The following TMEM63C variants were observed in gnomAD, a reference collection of about 807,000 sequenced individuals.
TMEM63C encodes transmembrane protein 63C, also known as osmosensitive cation channel TMEM63C.
TMEM63C carries 32 observed loss-of-function variants against 99.2 expected under a neutral mutation model. That is an observed-to-expected ratio of 0.32 (90% CI 0.24 to 0.43). TMEM63C has a LOEUF of 0.43. Among genes scored for constraint, TMEM63C ranks in the 20% least tolerant of loss-of-function variants. The pLI, the probability that TMEM63C is intolerant of heterozygous loss-of-function variation, is 1.00. For synonymous variants in TMEM63C, 376 were observed against 397.9 expected (o/e 0.94, Z 0.66); for missense variants, 826 against 1,053.0 (o/e 0.78, Z 2.98).
At position 77,242,402 on chromosome 14, in the gene TMEM63C, G is replaced by A. The variant is rs760891902; in HGVS notation, c.1120G>A (p.Val374Met). The change falls in exon 14 of 24, where the codon GTG (valine) becomes ATG (methionine). Residue 374 changes from valine to methionine, a missense_variant. Coordinates refer to ENST00000298351, the MANE Select transcript of TMEM63C (RefSeq NM_020431.4). ...TGGTGTGCAACCCCAGCAGTCCTCA[G>A]TGACCACCATCGTCAAATCATATTA... ...QCGVQPQQSS[V>M]TTIVKSYYWR... 2 of 1,613,566 alleles carry A rather than the reference G, an allele frequency of 1.2e-6. No homozygotes were observed. The highest frequency in any genetic ancestry group is 4.5e-5 in the East Asian group (2 of 44,854).
chr14:77,236,615 T>C lies in TMEM63C; in HGVS notation c.543-9T>C. 1 of 1,603,714 alleles carries C rather than the reference T, an allele frequency of 6.2e-7. No individual in the cohort carries two copies. The highest frequency in any genetic ancestry group is 1.3e-5 in the African/African-American group (1 of 74,632). On this transcript the variant is annotated splice_polypyrimidine_tract_variant and intron_variant, in intron 8 of 23. Coordinates refer to ENST00000298351, the MANE Select transcript of TMEM63C (RefSeq NM_020431.4). ...GCTGACCTCACTGCTGCTGCCTCCC[T>C]CCCTGCAGGAGCAAGCTCCTGTGGC...
intron 22 of TMEM63C, 47 bp downstream of exon 22, chr14:77,251,945 G>A: frequency 1.4e-6 from 2 of 1,442,682 alleles, no homozygotes; most frequent in Non-Finnish European, 9.8e-7. Flanking sequence ...GGTCCCTGGG[G>A]GACACAGCTG....
chr14:77,227,174 G>A (rs60249655), intron 6 of TMEM63C, among the ~76,000 whole-genome samples: 36,081 of 152,046 alleles, frequency 0.24, 4,543 homozygotes, highest in Middle Eastern at 0.36. Flanking sequence ...ATATATGTGT[G>A]TAGGCAGAAG....
intron 1 of TMEM63C, among the ~76,000 whole-genome samples, chr14:77,201,418 C>T (rs1010846760): frequency 7.2e-5 from 11 of 152,342 alleles, no homozygotes; most frequent in African/African-American, 2.4e-4. Flanking sequence ...CAGCTTGAGG[C>T]TGCCTTTTCC....
At chr14:77,241,958 C>A (rs1358124046) in intron 13 of TMEM63C, among the ~76,000 whole-genome samples, 2 of 152,194 alleles carry the variant, frequency 1.3e-5, no homozygotes, top group Non-Finnish European at 2.9e-5. Flanking sequence ...CAGTGTCAAG[C>A]ACACAGAAAG....
At chr14:77,253,226 T>C in intron 22 of TMEM63C, 79 bp from the exon 23 acceptor site, 1 of 1,309,442 alleles carries the variant, frequency 7.6e-7, no homozygotes, top group Non-Finnish European at 1.1e-6. Context: ...AGCCCAGGTG[T>C]GGAGTTGAGG....
intron 1 of TMEM63C, among the ~76,000 whole-genome samples, chr14:77,186,928 G>A (rs1455449437): frequency 6.6e-6 from 1 of 152,132 alleles, no homozygotes; most frequent in Non-Finnish European, 1.5e-5. Context: ...GCCCAGGCGT[G>A]TCAACTAGGC....
intron 1 of TMEM63C, among the ~76,000 whole-genome samples, chr14:77,184,970 C>T (rs566919215): frequency 6.6e-6 from 1 of 152,332 alleles, no homozygotes; most frequent in African/African-American, 2.4e-5. Flanking sequence ...AGGATATGTA[C>T]TCAAGCTGCC....
rs1240827650 is a variant in TMEM63C at position 77,186,801 on chromosome 14, CTGTGTG to C, written c.-77+4921_-77+4926del. On this transcript the variant is annotated intron_variant, in intron 1 of 23. Transcript: ENST00000298351. ...GGTGTGTGTGTGTGTGTGTGTGTGT[CTGTGTG>C]TGTGTGTGTGTGTCTGTGTGTGTCT... 5.1e-4 allele frequency among the ~76,000 whole-genome samples: 74 copies of C among 146,486 alleles called. 1 individual carries two copies. The highest frequency in any genetic ancestry group is 1.7e-3 in the African/African-American group (67 of 39,234).
intron 22 of TMEM63C, 66 bp downstream of exon 22, chr14:77,251,964 T>G: frequency 7.7e-7 from 1 of 1,304,176 alleles, no homozygotes; most frequent in Non-Finnish European, 1.1e-6. Flanking sequence ...TGTAGGATAC[T>G]CTCCAGGTCT....
intron 5 of TMEM63C, among the ~76,000 whole-genome samples, chr14:77,223,575 C>T (rs1888763062): frequency 6.6e-6 from 1 of 152,174 alleles, no homozygotes; most frequent in African/African-American, 2.4e-5. Context: ...GGCTGTTCAG[C>T]TGCTGAGCTT....
chr14:77,242,298 T>TCCCCCCCCCCCCCCC, intron 13 of TMEM63C, 49 bp from the exon 14 acceptor site: 1 of 1,416,886 alleles, frequency 7.1e-7, no homozygotes, highest in Non-Finnish European at 9.8e-7. Flanking sequence ...CCTAAGCCCA[T>TCCCCCCCCCCCCCCC]CCCCCCACCC....
chr14:77,252,219 C>T (rs2140133392), intron 22 of TMEM63C, among the ~76,000 whole-genome samples: 1 of 152,272 alleles, frequency 6.6e-6, no homozygotes, highest in African/African-American at 2.4e-5. Context: ...GAACTGTGAG[C>T]CTCCAAGGAC....
chr14:77,254,197 C>T lies in TMEM63C; in HGVS notation c.2220+821C>T, dbSNP rs877895. Among the ~76,000 whole-genome samples the T allele has an allele frequency of 5.6e-3, 854 of 152,306 alleles. 9 individuals carry two copies. The highest frequency in any genetic ancestry group is 0.019 in the African/African-American group (794 of 41,566). On this transcript the variant is annotated intron_variant, in intron 23 of 23. Transcript: ENST00000298351. ...GCCTGTGCGAAGGCCTGGAGACAGA[C>T]CGGAGCTTGGGGGACTCAAGACAGT...
chr14:77,238,221 C>T (rs552076388), intron 9 of TMEM63C, among the ~76,000 whole-genome samples: 6 of 152,322 alleles, frequency 3.9e-5, no homozygotes, highest in South Asian at 4.1e-4. Context: ...CCCAACTCCC[C>T]GGCCCAGTCT....
At position 77,233,488 on chromosome 14, in the gene TMEM63C, A is replaced by G; in HGVS notation, c.530A>G (p.Asn177Ser). The G allele has an allele frequency of 1.2e-6, 2 of 1,613,564 alleles. No homozygotes were observed. The highest frequency in any genetic ancestry group is 1.7e-6 in the Non-Finnish European group (2 of 1,179,800). The change falls in exon 8 of 24, where the codon AAT (asparagine) becomes AGT (serine). Residue 177 changes from asparagine (N) to serine (S), a missense_variant. Asn to Ser is a conservative substitution (Grantham distance 46). Coordinates refer to ENST00000298351, the MANE Select transcript of TMEM63C (RefSeq NM_020431.4). Reference protein sequence around the residue: ...SSHFARTTIVNVSTESKLLWL... With the variant: ...SSHFARTTIVSVSTESKLLWL... ...CACTTTGCTCGGACCACCATTGTCAATGTCTCCACAGAGTAGGTACCTGAT... is the reference window on the plus strand; with the variant it reads ...CACTTTGCTCGGACCACCATTGTCAGTGTCTCCACAGAGTAGGTACCTGAT...
At chr14:77,217,207 C>A (rs994484231) in intron 2 of TMEM63C, among the ~76,000 whole-genome samples, 1 of 152,128 alleles carries the variant, frequency 6.6e-6, no homozygotes, top group African/African-American at 2.4e-5. Context: ...TTTGCCCTGC[C>A]CTGTGCAGCC....
chr14:77,256,668 T>C lies in TMEM63C; in HGVS notation c.2363T>C (p.Leu788Pro), dbSNP rs988251230. ...ESGLRGFARE[L>P]DSAQFQEGLE... The stretch of plus-strand genomic sequence containing the variant: ...GGTCTGAGGGGCTTTGCGAGGGAGC[T>C]AGACTCGGCCCAGTTCCAGGAAGGG... Residue 788 changes from leucine (L) to proline (P), a missense_variant, in exon 24 of 24, where the codon CTA becomes CCA. Leu to Pro is a moderately conservative substitution (Grantham distance 98, BLOSUM62 -3). Transcript: ENST00000298351. 6 of 1,613,686 alleles carry C rather than the reference T, an allele frequency of 3.7e-6. No homozygotes were observed. The African/African-American group carries it at 5.3e-5, about 14-fold the overall frequency.
intron 1 of TMEM63C, among the ~76,000 whole-genome samples, chr14:77,200,845 C>T (rs1260930155): frequency 6.6e-6 from 1 of 152,152 alleles, no homozygotes; most frequent in East Asian, 1.9e-4. Context: ...TGGCTAGGCT[C>T]AAATCTCACT....
Sources: allele counts gnomAD v4.1 joint callset (sites outside exome capture counted in the v4.1 genomes callset), GRCh38; gene constraint gnomAD v4.1.1; transcripts MANE v1.5; gene names NCBI Gene and HGNC (gene_info 2026-07-23, HGNC 2026-07-21).